SH3KBP1: variants seen among roughly 807,000 people sequenced by gnomAD.
SH3KBP1 encodes SH3 domain containing kinase binding protein 1.
SH3KBP1 carries 8 observed loss-of-function variants against 50.1 expected under a neutral mutation model. The observed-to-expected ratio is 0.16, with a 90% CI of 0.09 to 0.29. The LOEUF (loss-of-function observed/expected upper bound fraction) is 0.29, where lower values mean the gene tolerates loss of function less well. SH3KBP1 is among the 10% of genes least tolerant of loss of function. The probability of loss-of-function intolerance (pLI) is 1.00; values close to 1 mark genes in which losing one functional copy is unlikely to be tolerated. For missense variants in SH3KBP1, 377 were observed against 535.2 expected (o/e 0.70, Z 2.92); for synonymous variants, 227 against 218.6 (o/e 1.04, Z -0.34).
chrX:19,859,359 A>G (rs147219304), intron 1 of SH3KBP1, among the ~76,000 whole-genome samples: 3,444 of 110,265 alleles, frequency 0.031, 150 homozygotes, highest in African/African-American at 0.11. Context: ...TGTTGGCCAG[A>G]CTGGTCTTGA....
chrX:19,877,248 AT>A (rs1401358507), intron 1 of SH3KBP1, among the ~76,000 whole-genome samples: 2 of 112,090 alleles, frequency 1.8e-5, no homozygotes, highest in African/African-American at 6.5e-5. Flanking sequence ...TTTTGTTTTG[AT>A]GATCAAAACA....
intron 2 of SH3KBP1, among the ~76,000 whole-genome samples, chrX:19,782,867 G>A (rs935138963): frequency 5.4e-5 from 6 of 111,673 alleles, no homozygotes; most frequent in African/African-American, 3.3e-5. Context: ...AGCACTTCGA[G>A]AGGACAAGGT....
chrX:19,692,689 A>ATAT (rs1556257878), intron 5 of SH3KBP1, among the ~76,000 whole-genome samples: 19 of 75,039 alleles, frequency 2.5e-4, no homozygotes, highest in African/African-American at 1.0e-3. Context: ...ATATATATAT[A>ATAT]TTTTTTTTTT....
intron 1 of SH3KBP1, among the ~76,000 whole-genome samples, chrX:19,868,820 C>A (rs1373207348): frequency 1.8e-5 from 2 of 108,172 alleles, no homozygotes; most frequent in African/African-American, 6.8e-5. Context: ...TAGAACCCAT[C>A]CCTTCCCCTA....
chrX:19,668,686 C>A (rs1328221409), intron 6 of SH3KBP1, among the ~76,000 whole-genome samples: 1 of 102,333 alleles, frequency 9.8e-6, no homozygotes, highest in Non-Finnish European at 2.0e-5. Flanking sequence ...CCCATCCCTA[C>A]TAAAAATACA....
At chrX:19,785,948 T>G (rs186388471) in intron 2 of SH3KBP1, among the ~76,000 whole-genome samples, 3 of 111,315 alleles carry the variant, frequency 2.7e-5, no homozygotes, top group Non-Finnish European at 5.7e-5. Context: ...GGAGCTGGTG[T>G]GTCATGGGTG....
chrX:19,855,947 C>T (rs1458925218), intron 1 of SH3KBP1, among the ~76,000 whole-genome samples: 1 of 110,917 alleles, frequency 9.0e-6, no homozygotes, highest in Non-Finnish European at 1.9e-5. Flanking sequence ...CTAATACATT[C>T]ATTCCACTGG....
chrX:19,615,500 A>G (rs1456373871), intron 8 of SH3KBP1, among the ~76,000 whole-genome samples: 1 of 112,174 alleles, frequency 8.9e-6, no homozygotes, highest in East Asian at 2.8e-4. Context: ...CACCAGCAGT[A>G]TGGAAACAGG....
chrX:19,646,842 G>A (rs2148407136), intron 6 of SH3KBP1, among the ~76,000 whole-genome samples: 1 of 111,464 alleles, frequency 9.0e-6, no homozygotes, highest in African/African-American at 3.3e-5. Flanking sequence ...TAGTGCCGCA[G>A]GGCCTTCTGT....
intron 6 of SH3KBP1, among the ~76,000 whole-genome samples, chrX:19,668,511 G>A (rs796391705): frequency 3.8e-4 from 36 of 93,894 alleles, no homozygotes; most frequent in Middle Eastern, 8.8e-3. Flanking sequence ...TCATTATTTA[G>A]TGAAGAGTGA....
At chrX:19,835,186 T>C (rs920625205) in intron 2 of SH3KBP1, among the ~76,000 whole-genome samples, 3 of 112,287 alleles carry the variant, frequency 2.7e-5, no homozygotes, top group African/African-American at 9.7e-5. Flanking sequence ...AGACAGGGAG[T>C]GCTCTGGCAT....
rs371516897 is a variant in SH3KBP1, at chrX:19,753,877, A to G, written c.163-7436T>C. ...CATAGGTATTTGTTATATGCTTTAC[A>G]TATTTCATAATTTGCCCTAAAATTA... On this transcript the variant is annotated intron_variant, in intron 2 of 17. Transcript: ENST00000397821. 2.0e-4 allele frequency among the ~76,000 whole-genome samples: 23 copies of G among 112,365 alleles called. No homozygotes were observed. The East Asian group carries it at 5.0e-3, about 24-fold the overall frequency.
rs111474956 is a variant in SH3KBP1, at chrX:19,853,770, C to T, written c.5-17488G>A. ...CTGAGGTCAGGAGTTCGAGACCAGC[C>T]TGGCCAACATAGTGAAATCCCATCT... is the stretch of plus-strand genomic sequence containing the variant. On this transcript the variant is annotated intron_variant, in intron 1 of 17. Transcript: ENST00000397821. 2.8e-3 allele frequency among the ~76,000 whole-genome samples: 310 copies of T among 111,111 alleles called. 2 individuals are homozygous for T. The highest frequency in any genetic ancestry group is 9.6e-3 in the African/African-American group (293 of 30,591).
At chrX:19,584,818 G>A (rs2066510008) in intron 12 of SH3KBP1, among the ~76,000 whole-genome samples, 1 of 112,044 alleles carries the variant, frequency 8.9e-6, no homozygotes, top group South Asian at 3.7e-4. Context: ...GAGCCCGGAC[G>A]CTGCAGCTGG....
intron 2 of SH3KBP1, among the ~76,000 whole-genome samples, chrX:19,765,302 G>C: frequency 9.0e-6 from 1 of 111,416 alleles, no homozygotes; most frequent in East Asian, 2.8e-4. Flanking sequence ...CTGGAGGTTA[G>C]AAATCCAGAA....
At chrX:19,737,738 C>T (rs73631369) in intron 3 of SH3KBP1, among the ~76,000 whole-genome samples, 64 of 111,937 alleles carry the variant, frequency 5.7e-4, no homozygotes, top group African/African-American at 2.0e-3. Flanking sequence ...CCTCAGCCTG[C>T]TTTTCATGCC....
intron 3 of SH3KBP1, among the ~76,000 whole-genome samples, chrX:19,714,298 T>C (rs1046110517): frequency 2.7e-5 from 3 of 111,547 alleles, no homozygotes; most frequent in African/African-American, 9.8e-5. Context: ...AACAGGATGA[T>C]ATAGTCAATA....
chrX:19,769,968 C>T (rs1390894471), intron 2 of SH3KBP1, among the ~76,000 whole-genome samples: 1 of 111,623 alleles, frequency 9.0e-6, no homozygotes, highest in East Asian at 2.8e-4. Context: ...AGGGTTCTCA[C>T]TCTCGGATTC....
At chrX:19,842,430 G>A (rs372730722) in intron 1 of SH3KBP1, among the ~76,000 whole-genome samples, 1 of 111,312 alleles carries the variant, frequency 9.0e-6, no homozygotes, top group African/African-American at 3.3e-5. Flanking sequence ...GGAGGCTGAG[G>A]CAGGAGAATA....
Sources: gnomAD v4.1 joint callset for allele counts (sites outside exome capture counted in the v4.1 genomes callset) on GRCh38, gnomAD v4.1.1 for gene constraint, MANE v1.5 for transcripts, NCBI Gene and HGNC (gene_info 2026-07-23, HGNC 2026-07-21) for gene names.